The following APBB2 variants were observed in gnomAD, a reference collection of about 807,000 sequenced individuals.
APBB2 encodes Fe65-like 1.
In APBB2, 38 loss-of-function variants were observed where a neutral mutation model predicts 82.5. The ratio of observed to expected loss-of-function variants is 0.46; its 90% CI spans 0.36 to 0.60. The LOEUF (loss-of-function observed/expected upper bound fraction) is 0.60. Among genes scored for constraint, APBB2 ranks in the 20% least tolerant of loss-of-function variants. The probability of loss-of-function intolerance (pLI) is 0.00; values close to 1 mark genes in which losing one functional copy is unlikely to be tolerated. For synonymous variants in APBB2, 341 were observed against 368.2 expected (o/e 0.93, Z 0.85); for missense variants, 772 against 972.3 (o/e 0.79, Z 2.74).
chr4:41,164,047 C>T (rs747794710), intron 1 of APBB2, among the ~76,000 whole-genome samples: 4 of 152,196 alleles, frequency 2.6e-5, no homozygotes, highest in African/African-American at 7.2e-5. Context: ...AGTAGAGTTT[C>T]GGATTTTGTA....
rs1750276040 is a variant in APBB2, at chr4:40,827,292, G to A, written c.1645-73C>T. 4 of 1,355,658 alleles carry A rather than the reference G, an allele frequency of 3.0e-6. No homozygotes were observed. The African/African-American group carries it at 5.8e-5, about 20-fold the overall frequency. The allele number at this position is 1,355,658 out of a possible 1,614,324, so 84.0% of individuals were successfully genotyped here. A position where few individuals can be genotyped will look rare whatever the true frequency, so the allele number is the denominator to read the frequency against. ...GTCTTCAGCTATTCCAGCCTGTAAA[G>A]TGTCTAGGTTGACTTCACTTCCAAG... On this transcript the variant is annotated intron_variant, in intron 13 of 17. Transcript: ENST00000508593.
At chr4:41,139,699 T>C (rs1157613265) in intron 2 of APBB2, among the ~76,000 whole-genome samples, 1 of 152,148 alleles carries the variant, frequency 6.6e-6, no homozygotes, top group African/African-American at 2.4e-5. Flanking sequence ...TCTAACTATA[T>C]GACACTGTGG....
chr4:41,083,686 CAAAAAAAAAAAAAAAAA>C (rs3058169), intron 3 of APBB2, among the ~76,000 whole-genome samples: 2 of 68,052 alleles, frequency 2.9e-5, no homozygotes, highest in African/African-American at 1.1e-4. Flanking sequence ...GACTCTGTCT[CAAAAAAAAAAAAAAAAA>C]AAAAAAAAAA....
At position 41,012,347 on chromosome 4, in the gene APBB2, T is replaced by C. The variant is rs536130700; in HGVS notation, c.835+1236A>G. 4.6e-4 allele frequency among the ~76,000 whole-genome samples: 70 copies of C among 152,240 alleles called. 1 individual carries two copies. Among genetic ancestry groups the C allele is most frequent in the Non-Finnish European group, 8.7e-4 (59 of 68,014 alleles). The stretch of plus-strand genomic sequence containing the variant: ...AGATTCAAACTCCAGCAGGTGACAA[T>C]GTCTATCAGCTTCAGGATATGAATT... On this transcript the variant is annotated intron_variant, in intron 6 of 17. Coordinates refer to ENST00000508593, the MANE Select transcript of APBB2 (RefSeq NM_004307.2).
chr4:40,945,039 A>G lies in APBB2; in HGVS notation c.870T>C (p.Asp290=), dbSNP rs2154380614. Residue 290 remains aspartate, a synonymous_variant, in exon 7 of 18, where the codon GAT becomes GAC. Coordinates refer to ENST00000508593, the MANE Select transcript of APBB2 (RefSeq NM_004307.2). ...DIWSDHSFQT[D]PDLPPGWKRV... ...TTTTCCAGCCAGGCGGCAAATCTGG[A>G]TCAGTCTGAAATGAGTGATCACTCC... 1.3e-6 allele frequency: 2 copies of G among 1,539,318 alleles called. No individual in the cohort carries two copies. Among genetic ancestry groups the G allele is most frequent in the South Asian group, 2.2e-5 (2 of 89,878 alleles).
At chr4:41,030,006 A>C (rs1460171709) in intron 5 of APBB2, among the ~76,000 whole-genome samples, 2 of 152,152 alleles carry the variant, frequency 1.3e-5, no homozygotes, top group African/African-American at 4.8e-5. Context: ...AATACAAAAA[A>C]TTAGCCGGGC....
At chr4:40,850,662 G>A (rs1759042955) in intron 12 of APBB2, among the ~76,000 whole-genome samples, 1 of 152,220 alleles carries the variant, frequency 6.6e-6, no homozygotes, top group African/African-American at 2.4e-5. Flanking sequence ...CACAGCTGCA[G>A]AGCTGAGTAG....
chr4:40,849,571 T>C (rs1019916843), intron 12 of APBB2, among the ~76,000 whole-genome samples: 1 of 152,182 alleles, frequency 6.6e-6, no homozygotes, highest in African/African-American at 2.4e-5. Flanking sequence ...CACATTCCCA[T>C]ACCTGCTGAG....
intron 1 of APBB2, among the ~76,000 whole-genome samples, chr4:41,179,234 C>T (rs375744152): frequency 5.9e-5 from 9 of 152,286 alleles, no homozygotes; most frequent in African/African-American, 1.9e-4. Flanking sequence ...TCAAAGAGAA[C>T]AACAATGTAA....
At chr4:41,062,192 T>C (rs2153883851) in intron 4 of APBB2, among the ~76,000 whole-genome samples, 1 of 126,522 alleles carries the variant, frequency 7.9e-6, no homozygotes, top group East Asian at 2.2e-4. Flanking sequence ...TTATTTATTA[T>C]TTTGAGTTTT....
intron 1 of APBB2, among the ~76,000 whole-genome samples, chr4:41,179,693 C>A (rs1770809412): frequency 6.6e-6 from 1 of 152,204 alleles, no homozygotes; most frequent in Non-Finnish European, 1.5e-5. Flanking sequence ...TGCAGAATTA[C>A]TGCCGTATTA....
intron 6 of APBB2, among the ~76,000 whole-genome samples, chr4:40,988,481 CA>C (rs1477887846): frequency 6.6e-6 from 1 of 151,274 alleles, no homozygotes; most frequent in Non-Finnish European, 1.5e-5. Context: ...ACTAAAAATA[CA>C]AAAAAATTAG....
At chr4:40,947,526 T>C (rs1451848398) in intron 6 of APBB2, among the ~76,000 whole-genome samples, 1 of 152,266 alleles carries the variant, frequency 6.6e-6, no homozygotes, top group African/African-American at 2.4e-5. Flanking sequence ...AGAGGAACTT[T>C]ATGCTGAATG....
intron 10 of APBB2, among the ~76,000 whole-genome samples, chr4:40,918,779 GTT>G (rs1780540684): frequency 1.5e-5 from 1 of 66,148 alleles, no homozygotes; most frequent in African/African-American, 5.6e-5. Context: ...TTGTTTGTTT[GTT>G]TTTGTTTTTT....
chr4:41,031,349 T>C (rs908056731), intron 5 of APBB2, among the ~76,000 whole-genome samples: 5 of 152,206 alleles, frequency 3.3e-5, no homozygotes, highest in African/African-American at 1.2e-4. Context: ...ACCCCACTTA[T>C]TAGTCAAGAC....
At chr4:41,011,751 C>T (rs559616608) in intron 6 of APBB2, among the ~76,000 whole-genome samples, 13 of 151,420 alleles carry the variant, frequency 8.6e-5, no homozygotes, top group South Asian at 4.2e-4. Context: ...TATTAATATG[C>T]GGATCTATGA....
At chr4:41,000,133 C>T (rs1804818976) in intron 6 of APBB2, among the ~76,000 whole-genome samples, 2 of 144,240 alleles carry the variant, frequency 1.4e-5, no homozygotes, top group South Asian at 2.2e-4. Context: ...TGGTGGTGTG[C>T]ACCCGTAGTC....
chr4:40,960,438 T>C (rs1214173571), intron 6 of APBB2, among the ~76,000 whole-genome samples: 2 of 141,742 alleles, frequency 1.4e-5, no homozygotes, highest in Non-Finnish European at 1.5e-5. Flanking sequence ...AACAGAAATT[T>C]TTTTTCGGGT....
At chr4:41,082,316 T>C (rs1737934008) in intron 3 of APBB2, among the ~76,000 whole-genome samples, 2 of 152,184 alleles carry the variant, frequency 1.3e-5, no homozygotes, top group South Asian at 4.1e-4. Context: ...TTATTTTTGA[T>C]AAGTTTGAGT....
Sources: allele counts gnomAD v4.1 joint callset (sites outside exome capture counted in the v4.1 genomes callset), GRCh38; gene constraint gnomAD v4.1.1; transcripts MANE v1.5; gene names NCBI Gene and HGNC (gene_info 2026-07-23, HGNC 2026-07-21).